The following CD36 variants were observed in gnomAD, a reference collection of about 807,000 sequenced individuals.
CD36 encodes CD36 molecule (CD36 blood group).
Under a neutral mutation model 55.2 loss-of-function variants are expected in CD36, and 119 were observed. The observed-to-expected ratio is 2.15, with a 90% CI of 1.86 to 2.51. CD36 has a LOEUF of 2.51. Among genes scored for constraint, CD36 ranks in the 30% most tolerant of loss-of-function variants. The probability of loss-of-function intolerance (pLI) is 0.00; values close to 1 mark genes in which losing one functional copy is unlikely to be tolerated. For synonymous variants in CD36, 186 were observed against 193.6 expected (o/e 0.96, Z 0.33); for missense variants, 819 against 555.5 (o/e 1.47, Z -4.77).
At chr7:80,671,876 TGAAG>T in intron 10 of CD36, 42 bp from the exon 11 acceptor site, 1 of 1,572,230 alleles carries the variant, frequency 6.4e-7, no homozygotes, top group South Asian at 1.1e-5. Flanking sequence ...ATATGTGAAA[TGAAG>T]GAAGTTATTA....
At chr7:80,611,168 C>T (rs906376696) in intron 1 of CD36, among the ~76,000 whole-genome samples, 1 of 152,172 alleles carries the variant, frequency 6.6e-6, no homozygotes, top group African/African-American at 2.4e-5. Context: ...TAGGCCTGAG[C>T]CACTGCGCCC....
chr7:80,648,465 T>A (rs1276245051), intron 3 of CD36, among the ~76,000 whole-genome samples: 2 of 152,134 alleles, frequency 1.3e-5, no homozygotes, highest in African/African-American at 4.8e-5. Context: ...GCAACAAAAC[T>A]GGTACATGTA....
chr7:80,671,566 A>G (rs1483496056), intron 10 of CD36, among the ~76,000 whole-genome samples: 2 of 152,142 alleles, frequency 1.3e-5, no homozygotes, highest in Non-Finnish European at 2.9e-5. Flanking sequence ...AGAAAATGGT[A>G]CAGGTAAATG....
chr7:80,643,159 G>T (rs1584356882), intron 1 of CD36, among the ~76,000 whole-genome samples: 2 of 152,118 alleles, frequency 1.3e-5, no homozygotes, highest in African/African-American at 4.8e-5. Flanking sequence ...ACCCCTTGCA[G>T]AAACTCTTCT....
intron 8 of CD36, among the ~76,000 whole-genome samples, chr7:80,668,404 C>G (rs3211928): frequency 0.39 from 58,717 of 151,874 alleles, 11,880 homozygotes; most frequent in East Asian, 0.52. Context: ...ATGGCACTAG[C>G]GAAAAGAAAG....
At chr7:80,642,004 C>T (rs1197136884) in intron 1 of CD36, among the ~76,000 whole-genome samples, 7 of 151,792 alleles carry the variant, frequency 4.6e-5, no homozygotes, top group African/African-American at 1.5e-4. Context: ...GGAATAGGGT[C>T]CACTCATGAA....
chr7:80,666,350 T>G, intron 7 of CD36, 93 bp from the exon 8 acceptor site: 1 of 819,978 alleles, frequency 1.2e-6, no homozygotes, highest in Non-Finnish European at 2.1e-6. Context: ...ATGCATCATA[T>G]TAACAGAAGT....
Position 80,646,658 on chromosome 7 carries a change from A to G in CD36, c.-83A>G. The G allele has an allele frequency of 6.6e-7, 1 of 1,508,552 alleles. No homozygotes were observed. The highest frequency in any genetic ancestry group is 9.2e-7 in the Non-Finnish European group (1 of 1,084,738). The allele number at this position is 1,508,552 out of a possible 1,614,324, so 93.4% of individuals were successfully genotyped here. A position where few individuals can be genotyped will look rare whatever the true frequency, so the allele number is the denominator to read the frequency against. On this transcript the variant is annotated 5_prime_UTR_variant, in exon 3 of 15. Transcript: ENST00000447544. Reference sequence around the variant, plus strand: ...GATCTCTTTCTAATGATAGAACCAGAGCTTGTAGAAACCACTTTAATCATA... The same window carrying G: ...GATCTCTTTCTAATGATAGAACCAGGGCTTGTAGAAACCACTTTAATCATA...
In CD36 at chr7:80,669,971, C is replaced by T. The variant is rs201155452; in HGVS notation, c.767C>T (p.Pro256Leu). Residue 256 changes from proline to leucine, a missense_variant, in exon 9 of 15, where the codon CCT becomes CTT. Coordinates refer to ENST00000447544, the MANE Select transcript of CD36 (RefSeq NM_001001548.3). ...INGTDAASFP[P>L]FVEKSQVLQF... Reference sequence around the variant, plus strand: ...TAAACAGATGCAGCCTCATTTCCACCTTTTGTTGAGAAAAGCCAGGTATTG... The same window carrying T: ...TAAACAGATGCAGCCTCATTTCCACTTTTTGTTGAGAAAAGCCAGGTATTG... The T allele has an allele frequency of 6.2e-7, 1 of 1,612,400 alleles. No individual in the cohort carries two copies. Among genetic ancestry groups the T allele is most frequent in the Non-Finnish European group, 8.5e-7 (1 of 1,178,636 alleles).
At position 80,672,024 on chromosome 7, in the gene CD36, A is replaced by ACTTGGATATTGAAC; in HGVS notation, c.1112_1125dup (p.Ile376TrpfsTer6). The stretch of plus-strand genomic sequence containing the variant: ...CCAAATGAAGAAGAACATAGGACAT[A>ACTTGGATATTGAAC]CTTGGATATTGAACCTGTAAGAAAA... On this transcript the variant is annotated frameshift_variant, in exon 11 of 15. Transcript: ENST00000447544. LOFTEE classifies it high-confidence loss of function. 1 of 1,607,602 alleles carries ACTTGGATATTGAAC rather than the reference A, an allele frequency of 6.2e-7. No homozygotes were observed. The highest frequency in any genetic ancestry group is 8.5e-7 in the Non-Finnish European group (1 of 1,175,296).
intron 1 of CD36, among the ~76,000 whole-genome samples, chr7:80,620,087 G>A (rs556376288): frequency 7.9e-5 from 12 of 152,092 alleles, no homozygotes; most frequent in Admixed American, 7.2e-4. Context: ...ATGATGTGTA[G>A]GGAAAAACTT....
intron 4 of CD36, among the ~76,000 whole-genome samples, chr7:80,658,282 C>CAT (rs150217267): frequency 0.017 from 2,567 of 151,390 alleles, 50 homozygotes; most frequent in African/African-American, 0.05. Context: ...TATATACACA[C>CAT]ATATATATAT....
intron 3 of CD36, among the ~76,000 whole-genome samples, chr7:80,654,474 G>A (rs908359563): frequency 2.6e-5 from 4 of 152,114 alleles, no homozygotes; most frequent in Admixed American, 2.0e-4. Context: ...GTTCTCCCTT[G>A]TTAAGTCTCT....
At chr7:80,658,693 G>A (rs1035531809) in intron 4 of CD36, among the ~76,000 whole-genome samples, 7 of 151,938 alleles carry the variant, frequency 4.6e-5, no homozygotes, top group African/African-American at 1.5e-4. Flanking sequence ...ACAAGGTTTC[G>A]CCATGTTGCT....
rs1437147916 is a variant in CD36 at position 80,646,764 on chromosome 7, G to A, written c.24G>A (p.Gly8=). MGCDRNC[G]LIAGAVIGAV... is the part of the protein sequence containing the mutation. ...AAATGGGCTGTGACCGGAACTGTGG[G>A]CTCATCGCTGGGGCTGTCATTGGTG... Residue 8 remains glycine, a synonymous_variant, in exon 3 of 15, where the codon GGG becomes GGA. Coordinates refer to ENST00000447544, the MANE Select transcript of CD36 (RefSeq NM_001001548.3). 1 of 1,614,002 alleles carries A rather than the reference G, an allele frequency of 6.2e-7. No homozygotes were observed. Among genetic ancestry groups the A allele is most frequent in the Admixed American group, 1.7e-5 (1 of 60,006 alleles).
At chr7:80,661,902 A>T (rs542719272) in intron 5 of CD36, among the ~76,000 whole-genome samples, 1 of 152,280 alleles carries the variant, frequency 6.6e-6, no homozygotes, top group Non-Finnish European at 1.5e-5. Flanking sequence ...AACTCTGCAG[A>T]GTCTAGCTAT....
chr7:80,668,076 G>A (rs947497070), intron 8 of CD36, among the ~76,000 whole-genome samples: 18 of 152,058 alleles, frequency 1.2e-4, no homozygotes, highest in African/African-American at 4.3e-4. Context: ...AGCCATAGGA[G>A]TGGGCAAATA....
intron 2 of CD36, 55 bp from the exon 3 acceptor site, chr7:80,646,597 G>T: frequency 1.1e-6 from 1 of 945,084 alleles, no homozygotes; most frequent in Non-Finnish European, 1.7e-6. Context: ...TTTGTACTTT[G>T]ATCTTTTTGT....
intron 1 of CD36, among the ~76,000 whole-genome samples, chr7:80,644,234 A>G (rs1031245529): frequency 9.9e-5 from 15 of 152,174 alleles, no homozygotes; most frequent in East Asian, 1.9e-4. Flanking sequence ...AGGGAAAGCT[A>G]TTGTTACCAC....
Sources: allele counts gnomAD v4.1 joint callset (sites outside exome capture counted in the v4.1 genomes callset), GRCh38; gene constraint gnomAD v4.1.1; transcripts MANE v1.5; gene names NCBI Gene and HGNC (gene_info 2026-07-23, HGNC 2026-07-21).